DRAXIN: variants seen among roughly 807,000 people sequenced by gnomAD.
DRAXIN encodes the protein dorsal inhibitory axon guidance protein, also known as dorsal repulsive axon guidance protein.
DRAXIN carries 27 observed loss-of-function variants against 33.9 expected under a neutral mutation model. That is an observed-to-expected ratio of 0.80 (90% CI 0.59 to 1.10). DRAXIN has a LOEUF of 1.10. Ranked by LOEUF, DRAXIN falls within the 50% of genes least tolerant of loss-of-function variation. DRAXIN has a pLI of 0.00. For missense variants in DRAXIN, 371 were observed against 460.8 expected (o/e 0.81, Z 1.78); for synonymous variants, 178 against 194.0 (o/e 0.92, Z 0.69).
chr1:11,716,911 A>G (rs761964380), intron 6 of DRAXIN, among the ~76,000 whole-genome samples: 1 of 152,238 alleles, frequency 6.6e-6, no homozygotes, highest in Non-Finnish European at 1.5e-5. Flanking sequence ...AAGAACCAGC[A>G]AGTTCTGTGC....
In DRAXIN at chr1:11,720,344, G is replaced by T. The variant is rs1027187409; in HGVS notation, c.*648G>T. The stretch of plus-strand genomic sequence containing the variant: ...GCGGCGGCTCACGCTTGTAATCCCA[G>T]CACTTTGGGAGGCCAAGGCGGGTGG... On this transcript the variant is annotated 3_prime_UTR_variant, in exon 7 of 7. Coordinates refer to ENST00000294485, the MANE Select transcript of DRAXIN (RefSeq NM_198545.4). The T allele has an allele frequency of 6.6e-6, 1 of 152,522 alleles. No homozygotes were observed. The highest frequency in any genetic ancestry group is 2.4e-5 in the African/African-American group (1 of 41,448). 9.4% of individuals were successfully genotyped at this position (152,522 alleles called of 1,614,324 possible). A position where few individuals can be genotyped will look rare whatever the true frequency, so the allele number is the denominator to read the frequency against.
rs540705651 is a variant in DRAXIN at position 11,692,152 on chromosome 1, C to T, written c.-11+299C>T. Among the ~76,000 whole-genome samples, 1 of 152,330 alleles carries T rather than the reference C, an allele frequency of 6.6e-6. No homozygotes were observed. The highest frequency in any genetic ancestry group is 6.5e-5 in the Admixed American group (1 of 15,302). On this transcript the variant is annotated intron_variant, in intron 1 of 6. Transcript: ENST00000294485. This position sits in a 1 kb window ranked among gnomAD's most constrained non-coding sequence, Gnocchi z 5.8. ...GCTCTGACACTCGGCCTCGCGCGCGCCCTCGCCGCCCTCTGGGGTCCCGGC... is the reference window on the plus strand; with the variant it reads ...GCTCTGACACTCGGCCTCGCGCGCGTCCTCGCCGCCCTCTGGGGTCCCGGC...
In DRAXIN at chr1:11,696,625, C is replaced by T. The variant is rs569556385; in HGVS notation, c.-11+4772C>T. The stretch of plus-strand genomic sequence containing the variant: ...CAAAAAACACTTTGGGAGGCCAAAG[C>T]GAGCAGGTCACGAGGTCAAGAGATC... On this transcript the variant is annotated intron_variant, in intron 1 of 6. Coordinates refer to ENST00000294485, the MANE Select transcript of DRAXIN (RefSeq NM_198545.4). This position sits in a 1 kb window ranked among gnomAD's most constrained non-coding sequence, Gnocchi z 4.7. Among the ~76,000 whole-genome samples the T allele has an allele frequency of 1.9e-3, 288 of 151,546 alleles. 2 individuals carry two copies. The highest frequency in any genetic ancestry group is 0.012 in the South Asian group (59 of 4,756).
In DRAXIN at chr1:11,713,265, G is replaced by T. The variant is rs117295152; in HGVS notation, c.847+836G>T. Among the ~76,000 whole-genome samples, 68 of 152,218 alleles carry T rather than the reference G, an allele frequency of 4.5e-4. No individual in the cohort carries two copies. The East Asian group carries it at 0.012, about 26-fold the overall frequency. On this transcript the variant is annotated intron_variant, in intron 5 of 6. Transcript: ENST00000294485. ...AGCCAGGTGATTGAGCCCCAGAGAGGCTGTCTTGCCCAAGGTCACACGGTT... is the reference window on the plus strand; with the variant it reads ...AGCCAGGTGATTGAGCCCCAGAGAGTCTGTCTTGCCCAAGGTCACACGGTT...
chr1:11,695,586 AG>A (rs1641177968), intron 1 of DRAXIN, among the ~76,000 whole-genome samples: 1 of 136,918 alleles, frequency 7.3e-6, no homozygotes, highest in Non-Finnish European at 1.5e-5. Context: ...TGGGCAACAG[AG>A]TGAGATTCTG....
chr1:11,700,132 A>G (rs1176419983), intron 1 of DRAXIN, among the ~76,000 whole-genome samples: 3 of 151,688 alleles, frequency 2.0e-5, no homozygotes, highest in African/African-American at 7.3e-5. Flanking sequence ...CAGGAGACTG[A>G]GGCAGGAGAA....
intron 6 of DRAXIN, among the ~76,000 whole-genome samples, chr1:11,717,828 C>CAAA (rs70983586): frequency 5.3e-4 from 58 of 109,992 alleles, no homozygotes; most frequent in African/African-American, 1.8e-3. Flanking sequence ...ACCAAAAATA[C>CAAA]AAAAAAAAAA....
At chr1:11,699,965 G>T (rs1347508032) in intron 1 of DRAXIN, among the ~76,000 whole-genome samples, 1 of 146,122 alleles carries the variant, frequency 6.8e-6, no homozygotes, top group Non-Finnish European at 1.5e-5. Flanking sequence ...AAATCCAGGT[G>T]TAGTAGCTCA....
At chr1:11,717,314 A>G (rs994962582) in intron 6 of DRAXIN, among the ~76,000 whole-genome samples, 8 of 151,832 alleles carry the variant, frequency 5.3e-5, no homozygotes, top group African/African-American at 1.9e-4. Flanking sequence ...AATAAGGGCT[A>G]TAAAGATAAT....
At chr1:11,700,813 A>G (rs774060477) in intron 1 of DRAXIN, among the ~76,000 whole-genome samples, 5 of 152,150 alleles carry the variant, frequency 3.3e-5, no homozygotes, top group Admixed American at 6.5e-5. Flanking sequence ...TTGGCCAGCC[A>G]TGACTTGCTC....
In DRAXIN at chr1:11,704,060, A is replaced by T. The variant is rs1176555406; in HGVS notation, c.-10-2189A>T. Among the ~76,000 whole-genome samples the T allele has an allele frequency of 6.6e-6, 1 of 152,134 alleles. No homozygotes were observed. The highest frequency in any genetic ancestry group is 1.9e-4 in the East Asian group (1 of 5,194). On this transcript the variant is annotated intron_variant, in intron 1 of 6. Coordinates refer to ENST00000294485, the MANE Select transcript of DRAXIN (RefSeq NM_198545.4). This position sits in a 1 kb window ranked among gnomAD's most constrained non-coding sequence, Gnocchi z 4.6. ...CCTTGTGTGTCCCCAGGGACAGCAG[A>T]CTAGCTGAGAAGCTGCCCACCTCTC...
At chr1:11,698,156 T>G (rs1641221174) in intron 1 of DRAXIN, among the ~76,000 whole-genome samples, 3 of 152,048 alleles carry the variant, frequency 2.0e-5, no homozygotes, top group African/African-American at 7.3e-5. Context: ...GGGAATAGAC[T>G]CATGAAGGGA....
At chr1:11,703,795 A>G (rs1204978763) in intron 1 of DRAXIN, among the ~76,000 whole-genome samples, 1 of 152,104 alleles carries the variant, frequency 6.6e-6, no homozygotes, top group African/African-American at 2.4e-5. Context: ...TGGCATTCAG[A>G]CTGGGGTTCC....
intron 6 of DRAXIN, among the ~76,000 whole-genome samples, chr1:11,717,288 G>GA (rs950793697): frequency 2.7e-5 from 4 of 148,690 alleles, no homozygotes; most frequent in East Asian, 2.0e-4. Flanking sequence ...GTCTCAAAAA[G>GA]AAAAAAAAAG....
intron 6 of DRAXIN, among the ~76,000 whole-genome samples, chr1:11,717,828 CAA>C (rs70983586): frequency 9.1e-6 from 1 of 110,006 alleles, no homozygotes; most frequent in African/African-American, 3.8e-5. Context: ...ACCAAAAATA[CAA>C]AAAAAAAAAA....
rs762272496 is a variant in DRAXIN, at chr1:11,706,343, G to A, written c.85G>A (p.Ala29Thr). 2 of 1,613,796 alleles carry A rather than the reference G, an allele frequency of 1.2e-6. No individual in the cohort carries two copies. Among genetic ancestry groups the A allele is most frequent in the South Asian group, 1.1e-5 (1 of 91,078 alleles). ...GGAGCTGAGCCTGGCAGGCGCCCTTGCACCTGGGACCCCTGCCCGGAACCT... is the reference window on the plus strand; with the variant it reads ...GGAGCTGAGCCTGGCAGGCGCCCTTACACCTGGGACCCCTGCCCGGAACCT... ...PLELSLAGAL[A>T]PGTPARNLPE... The change falls in exon 2 of 7, where the codon GCA (alanine) becomes ACA (threonine). Residue 29 changes from alanine (A) to threonine (T), a missense_variant. Transcript: ENST00000294485. The surrounding 1 kb of genome is among the most constrained non-coding windows in gnomAD (Gnocchi z 5.5).
In DRAXIN at chr1:11,706,686, G is replaced by T; in HGVS notation, c.428G>T (p.Arg143Met). Residue 143 changes from arginine to methionine, a missense_variant, in exon 2 of 7, where the codon AGG becomes ATG. Transcript: ENST00000294485. This position sits in a 1 kb window ranked among gnomAD's most constrained non-coding sequence, Gnocchi z 5.5. ...CGCAGCAGGGAGCACAAGAGACGCAGGGACAGGTTGAGGCTGCACCAAGGT... is the reference window on the plus strand; with the variant it reads ...CGCAGCAGGGAGCACAAGAGACGCATGGACAGGTTGAGGCTGCACCAAGGT... ...RKRSREHKRR[R>M]DRLRLHQGRA... The T allele has an allele frequency of 6.3e-7, 1 of 1,589,614 alleles. No individual in the cohort carries two copies. Among genetic ancestry groups the T allele is most frequent in the South Asian group, 1.1e-5 (1 of 89,994 alleles).
At chr1:11,687,242 C>T (rs549273955), upstream of DRAXIN, among the ~76,000 whole-genome samples, 2 of 151,888 alleles carry the variant, frequency 1.3e-5, no homozygotes, top group East Asian at 1.9e-4. This position sits in a 1 kb window ranked among gnomAD's most constrained non-coding sequence, Gnocchi z 4.1. Context: ...ATTTTTATTT[C>T]ATTTATTTCT....
intron 6 of DRAXIN, 31 bp from the exon 7 acceptor site, chr1:11,719,553 C>T (rs1409991829): frequency 1.9e-6 from 3 of 1,579,206 alleles, no homozygotes; most frequent in East Asian, 2.3e-5. Flanking sequence ...GCCCTTCGCG[C>T]CTCTGACCCC....
Sources: gnomAD v4.1 joint callset for allele counts (sites outside exome capture counted in the v4.1 genomes callset) on GRCh38, gnomAD v4.1.1 for gene constraint, Gnocchi (gnomAD v3.1) non-coding constraint, MANE v1.5 for transcripts, NCBI Gene and HGNC (gene_info 2026-07-23, HGNC 2026-07-21) for gene names.